Variants in PDE4D observed in about 807,000 individuals in gnomAD.
The protein encoded by PDE4D is 3',5'-cyclic-AMP phosphodiesterase 4D.
A neutral mutation model predicts 87.4 loss-of-function variants in PDE4D; 24 were observed. The ratio of observed to expected loss-of-function variants is 0.27; its 90% CI spans 0.20 to 0.39. The LOEUF is 0.39. Ranked by LOEUF, PDE4D falls within the 10% of genes least tolerant of loss-of-function variation. The probability of loss-of-function intolerance (pLI) is 1.00; values close to 1 mark genes in which losing one functional copy is unlikely to be tolerated. For missense variants in PDE4D, 714 were observed against 1,041.0 expected (o/e 0.69, Z 4.32); for synonymous variants, 384 against 383.2 (o/e 1.00, Z -0.02).
chr5:60,021,799 C>T (rs1190295775), intron 2 of PDE4D: 2 of 152,218 alleles, frequency 1.3e-5, no homozygotes, highest in Admixed American at 6.5e-5. Flanking sequence ...CTTTAATGTC[C>T]TGGTGGTGGA....
At chr5:60,127,304 A>G (rs1779200782) in intron 2 of PDE4D, among the ~76,000 whole-genome samples, 2 of 152,194 alleles carry the variant, frequency 1.3e-5, no homozygotes, top group African/African-American at 4.8e-5. Context: ...AGTCTTAAGA[A>G]CAATGGGAAA....
intron 1 of PDE4D, among the ~76,000 whole-genome samples, chr5:59,605,504 C>T (rs1453858134): frequency 6.6e-6 from 1 of 152,048 alleles, no homozygotes; most frequent in Non-Finnish European, 1.5e-5. Flanking sequence ...CTTTGCTTTG[C>T]TGCCAGACTT....
chr5:59,675,731 C>T (rs1747955227), intron 1 of PDE4D, among the ~76,000 whole-genome samples: 2 of 150,830 alleles, frequency 1.3e-5, no homozygotes, highest in Admixed American at 1.3e-4. Flanking sequence ...ACTCTGTCAC[C>T]CAGGCTGGAG....
At chr5:60,146,710 A>G (rs577922046) in intron 2 of PDE4D, among the ~76,000 whole-genome samples, 1 of 152,256 alleles carries the variant, frequency 6.6e-6, no homozygotes, top group African/African-American at 2.4e-5. Flanking sequence ...ATAACAAAAA[A>G]TATTTGCATC....
intron 5 of PDE4D, among the ~76,000 whole-genome samples, chr5:59,085,100 ACT>A (rs1767428543): frequency 6.6e-6 from 1 of 152,148 alleles, no homozygotes; most frequent in African/African-American, 2.4e-5. Context: ...TGCTATAAAG[ACT>A]CTACACAAAG....
intron 3 of PDE4D, among the ~76,000 whole-genome samples, chr5:59,914,155 T>C (rs1419519694): frequency 1.3e-5 from 2 of 152,142 alleles, no homozygotes; most frequent in African/African-American, 2.4e-5. Flanking sequence ...CTACTACATG[T>C]CCTAGGTGCT....
intron 5 of PDE4D, chr5:59,165,091 ATAAAT>A (rs771751510): frequency 8.5e-5 from 13 of 152,200 alleles, no homozygotes; most frequent in Admixed American, 3.3e-4. Flanking sequence ...TCAGTGAGAA[ATAAAT>A]TAATAAAATA....
chr5:59,126,146 G>GA (rs1444821445), intron 5 of PDE4D, among the ~76,000 whole-genome samples: 1 of 145,114 alleles, frequency 6.9e-6, no homozygotes, highest in Non-Finnish European at 1.5e-5. Flanking sequence ...AGGAAGAAAG[G>GA]AAAAAAGGAA....
At chr5:60,080,401 G>T (rs903051501) in intron 2 of PDE4D, among the ~76,000 whole-genome samples, 12 of 152,266 alleles carry the variant, frequency 7.9e-5, no homozygotes, top group African/African-American at 2.4e-4. Context: ...GCCCTGGTCA[G>T]AACTTCCAAT....
intron 2 of PDE4D, among the ~76,000 whole-genome samples, chr5:60,015,427 T>C (rs1478578351): frequency 2.6e-5 from 4 of 152,160 alleles, no homozygotes; most frequent in African/African-American, 9.7e-5. Flanking sequence ...GCAACAGTAA[T>C]GATATCCCGG....
At chr5:59,497,568 T>C (rs1273465607) in intron 1 of PDE4D, among the ~76,000 whole-genome samples, 2 of 151,984 alleles carry the variant, frequency 1.3e-5, no homozygotes, top group Admixed American at 6.6e-5. Flanking sequence ...CAACAGACTA[T>C]ACCAAGCAGA....
chr5:60,080,638 C>T (rs904974897), intron 2 of PDE4D, among the ~76,000 whole-genome samples: 11 of 152,056 alleles, frequency 7.2e-5, no homozygotes, highest in Non-Finnish European at 1.5e-4. Context: ...TTGAGATAAT[C>T]ATGTGGTTCT....
At chr5:60,263,968 G>A (rs1749917360) in intron 1 of PDE4D, among the ~76,000 whole-genome samples, 2 of 151,084 alleles carry the variant, frequency 1.3e-5, no homozygotes, top group Admixed American at 1.3e-4. Context: ...AAATACCAGT[G>A]ACACTACATG....
intron 1 of PDE4D, among the ~76,000 whole-genome samples, chr5:59,755,044 G>A (rs149595675): frequency 1.9e-3 from 291 of 152,116 alleles, no homozygotes; most frequent in African/African-American, 6.7e-3. Flanking sequence ...GATGGTTTGA[G>A]GTTGTACAAA....
chr5:60,269,221 C>T (rs1231474220), intron 1 of PDE4D, among the ~76,000 whole-genome samples: 13 of 152,162 alleles, frequency 8.5e-5, no homozygotes, highest in Admixed American at 4.6e-4. Context: ...GTAGGAGAAT[C>T]GCTTGAACCC....
intron 1 of PDE4D, among the ~76,000 whole-genome samples, chr5:60,225,903 C>T (rs1745038633): frequency 1.3e-5 from 2 of 152,070 alleles, no homozygotes; most frequent in Admixed American, 6.6e-5. Flanking sequence ...AGAATTTATA[C>T]CTTGGTAATC....
intron 3 of PDE4D, among the ~76,000 whole-genome samples, chr5:59,915,471 G>A (rs1753939136): frequency 1.3e-5 from 2 of 152,194 alleles, no homozygotes; most frequent in African/African-American, 4.8e-5. Context: ...ACATATTGGA[G>A]AACACTGGGA....
intron 5 of PDE4D, among the ~76,000 whole-genome samples, chr5:59,176,927 GC>G (rs1193191104): frequency 6.6e-6 from 1 of 152,160 alleles, no homozygotes; most frequent in Non-Finnish European, 1.5e-5. Flanking sequence ...TGGGCACAAA[GC>G]AAGCGCATCC....
chr5:59,350,900 T>G (rs1368735847), intron 1 of PDE4D, among the ~76,000 whole-genome samples: 1 of 152,162 alleles, frequency 6.6e-6, no homozygotes, highest in Non-Finnish European at 1.5e-5. Context: ...CTGTCAATCA[T>G]TCCTGCACAC....
Sources: allele counts gnomAD v4.1 joint callset (sites outside exome capture counted in the v4.1 genomes callset), GRCh38; gene constraint gnomAD v4.1.1; transcripts MANE v1.5; gene names NCBI Gene and HGNC (gene_info 2026-07-23, HGNC 2026-07-21).